TLE4: variants seen among roughly 807,000 people sequenced by gnomAD.
TLE4 encodes transducin-like enhancer protein 4.
TLE4 carries 8 observed loss-of-function variants against 92.8 expected under a neutral mutation model. That is an observed-to-expected ratio of 0.09 (90% CI 0.05 to 0.16). The LOEUF is 0.16. TLE4 is among the 10% of genes least tolerant of loss of function. The probability of loss-of-function intolerance (pLI) is 1.00; values close to 1 mark genes in which losing one functional copy is unlikely to be tolerated. For missense variants in TLE4, 675 were observed against 997.6 expected, an observed-to-expected ratio of 0.68 and a Z score of 4.36; for synonymous variants, 371 against 374.1, an observed-to-expected ratio of 0.99 and a Z score of 0.10.
chr9:79,677,074 T>C (rs989027372), intron 8 of TLE4, among the ~76,000 whole-genome samples: 2 of 152,094 alleles, frequency 1.3e-5, no homozygotes, highest in South Asian at 2.1e-4. Context: ...TAGAGATAGA[T>C]GACTTAGCAA....
chr9:79,699,345 C>T (rs985513739), intron 8 of TLE4, among the ~76,000 whole-genome samples: 5 of 152,192 alleles, frequency 3.3e-5, no homozygotes, highest in Admixed American at 3.3e-4. Context: ...AAAACAAACT[C>T]AACTTGAATC....
Position 79,707,298 on chromosome 9 carries a change from T to A in TLE4, c.936+399T>A. 3.5e-6 allele frequency: 4 copies of A among 1,155,104 alleles called. No homozygotes were observed. The Admixed American group carries it at 7.7e-5, about 22-fold the overall frequency. 71.6% of individuals were successfully genotyped at this position (1,155,104 alleles called of 1,614,324 possible). ...CCAAGCTACATATGACGGCAATAAT[T>A]TTCCCTTCCTATCTAAAAAGTAATC... On this transcript the variant is annotated intron_variant, in intron 11 of 19. Transcript: ENST00000376552.
intron 8 of TLE4, chr9:79,671,353 TAAC>T: frequency 6.8e-6 from 3 of 443,736 alleles, no homozygotes; most frequent in Non-Finnish European, 1.4e-5. Context: ...GAAAAGCTAA[TAAC>T]TACCCTGACG....
chr9:79,592,183 C>CTCT (rs57278935), intron 4 of TLE4, among the ~76,000 whole-genome samples: 1,637 of 135,336 alleles, frequency 0.012, 20 homozygotes, highest in East Asian at 0.062. Flanking sequence ...CTTCCTCTTC[C>CTCT]TCTTCTTCTT....
intron 8 of TLE4, among the ~76,000 whole-genome samples, chr9:79,691,391 G>T (rs1240672053): frequency 6.6e-6 from 1 of 152,190 alleles, no homozygotes; most frequent in Non-Finnish European, 1.5e-5. Flanking sequence ...AAAGGATGGA[G>T]GTAGGCAGTG....
Position 79,612,646 on chromosome 9 carries a change from T to C in TLE4, c.253-10T>C. On this transcript the variant is annotated splice_polypyrimidine_tract_variant and intron_variant, in intron 4 of 19. Transcript: ENST00000376552. ...CTCTTTATTGCTTTCCTTTCCCTTA[T>C]TTTTTGCAGGCAGAGATTGTCAAGA... The C allele has an allele frequency of 2.5e-6, 4 of 1,612,094 alleles. No homozygotes were observed. Among genetic ancestry groups the C allele is most frequent in the Non-Finnish European group, 3.4e-6 (4 of 1,178,490 alleles).
chr9:79,572,455 C>A lies in TLE4; in HGVS notation c.-336C>A. On this transcript the variant is annotated 5_prime_UTR_variant, in exon 1 of 20. Coordinates refer to ENST00000376552, the MANE Select transcript of TLE4 (RefSeq NM_007005.6). ...GTGGGGCGCGGAGCCCGCACTTTCC[C>A]GGCCGGGTGAGCGGCGGCCGCGGCG... 1 of 152,396 alleles carries A rather than the reference C, an allele frequency of 6.6e-6. No individual in the cohort carries two copies. The highest frequency in any genetic ancestry group is 2.0e-4 in the South Asian group (1 of 4,914). The allele number at this position is 152,396 out of a possible 1,614,324, so 9.4% of individuals were successfully genotyped here.
intron 16 of TLE4, among the ~76,000 whole-genome samples, 178 bp from the exon 17 acceptor site, chr9:79,721,563 C>T (rs62569356): frequency 0.13 from 19,390 of 152,170 alleles, 1,768 homozygotes; most frequent in Non-Finnish European, 0.18. Context: ...AAGTACAGGA[C>T]ATGTGGCATC....
chr9:79,706,546 A>G (rs1030814230), intron 10 of TLE4, among the ~76,000 whole-genome samples: 1 of 152,122 alleles, frequency 6.6e-6, no homozygotes, highest in Non-Finnish European at 1.5e-5. Context: ...GTTTTAAATA[A>G]GTACTATAAA....
intron 8 of TLE4, among the ~76,000 whole-genome samples, chr9:79,692,276 G>A (rs1211285878): frequency 6.6e-6 from 1 of 151,790 alleles, no homozygotes; most frequent in East Asian, 1.9e-4. Context: ...ATCCAGGAGG[G>A]CAGGAAGATA....
intron 4 of TLE4, among the ~76,000 whole-genome samples, chr9:79,596,655 A>T (rs2044104325): frequency 6.6e-6 from 1 of 152,142 alleles, no homozygotes; most frequent in South Asian, 2.1e-4. Context: ...CTAAGCTTGA[A>T]TCGATACCTA....
At chr9:79,589,955 A>T (rs2042129499) in intron 4 of TLE4, among the ~76,000 whole-genome samples, 1 of 152,202 alleles carries the variant, frequency 6.6e-6, no homozygotes, top group African/African-American at 2.4e-5. Flanking sequence ...TGAGTTTTGT[A>T]AGTAACCTGA....
chr9:79,638,290 C>T (rs1587660074), intron 6 of TLE4, among the ~76,000 whole-genome samples: 1 of 152,090 alleles, frequency 6.6e-6, no homozygotes, highest in Admixed American at 6.6e-5. Flanking sequence ...GAAATTACTT[C>T]ATTGCTTTGT....
chr9:79,611,138 A>G (rs573843624), intron 4 of TLE4, among the ~76,000 whole-genome samples: 1 of 152,140 alleles, frequency 6.6e-6, no homozygotes, highest in African/African-American at 2.4e-5. Flanking sequence ...TCACCCTGGA[A>G]TTTCACCCCA....
intron 6 of TLE4, among the ~76,000 whole-genome samples, chr9:79,642,953 A>G (rs1389033079): frequency 1.3e-5 from 2 of 152,152 alleles, no homozygotes; most frequent in Non-Finnish European, 2.9e-5. Flanking sequence ...TCCCTATAGT[A>G]AATCTCATGT....
intron 5 of TLE4, among the ~76,000 whole-genome samples, chr9:79,623,344 C>T (rs1372225733): frequency 6.6e-6 from 1 of 152,026 alleles, no homozygotes; most frequent in Non-Finnish European, 1.5e-5. Flanking sequence ...TATTAAACAC[C>T]TACTATACAC....
intron 8 of TLE4, among the ~76,000 whole-genome samples, chr9:79,658,622 T>C (rs908141642): frequency 5.3e-5 from 8 of 152,336 alleles, no homozygotes; most frequent in African/African-American, 1.7e-4. Context: ...GAAAGCACTT[T>C]TGCCTCATTA....
chr9:79,576,407 T>C, intron 4 of TLE4: 1 of 319,276 alleles, frequency 3.1e-6, no homozygotes, highest in Non-Finnish European at 5.7e-6. Flanking sequence ...GAATACATAT[T>C]AAACTCTGTA....
At chr9:79,618,182 C>T (rs1175127327) in intron 5 of TLE4, among the ~76,000 whole-genome samples, 1 of 152,218 alleles carries the variant, frequency 6.6e-6, no homozygotes, top group Non-Finnish European at 1.5e-5. Context: ...GGGACAACTG[C>T]CACTTGCTTC....
Sources: allele counts gnomAD v4.1 joint callset (sites outside exome capture counted in the v4.1 genomes callset), GRCh38; gene constraint gnomAD v4.1.1; transcripts MANE v1.5; gene names NCBI Gene and HGNC (gene_info 2026-07-23, HGNC 2026-07-21).